NUP98: variants seen among roughly 807,000 people sequenced by gnomAD.
The protein encoded by NUP98 is nucleoporin 98 and 96 precursor, also known as nuclear pore complex protein Nup98-Nup96.
Under a neutral mutation model 191.9 loss-of-function variants are expected in NUP98, and 26 were observed. The observed-to-expected ratio is 0.14, with a 90% CI of 0.10 to 0.19. The LOEUF (loss-of-function observed/expected upper bound fraction) is 0.19. Ranked by LOEUF, NUP98 falls within the 10% of genes least tolerant of loss-of-function variation. The probability of loss-of-function intolerance (pLI) is 1.00; values close to 1 mark genes in which losing one functional copy is unlikely to be tolerated. For missense variants in NUP98, 1,941 were observed against 2,178.8 expected (o/e 0.89, Z 2.17); for synonymous variants, 808 against 778.4 (o/e 1.04, Z -0.63).
chr11:3,707,730 C>G (rs890249325), intron 20 of NUP98, among the ~76,000 whole-genome samples: 1 of 6,214 alleles, frequency 1.6e-4, no homozygotes, highest in Admixed American at 1.3e-3. Context: ...CAGAATGAGA[C>G]TCTGTCTCAA....
chr11:3,720,715 T>C lies in NUP98; in HGVS notation c.2257A>G (p.Lys753Glu). The C allele has an allele frequency of 3.2e-6, 5 of 1,552,802 alleles. No homozygotes were observed. Among genetic ancestry groups the C allele is most frequent in the Non-Finnish European group, 4.4e-6 (5 of 1,127,916 alleles). Residue 753 changes from lysine to glutamate, a missense_variant, in exon 17 of 33, where the codon AAA becomes GAA. Transcript: ENST00000324932. ...CIVSDFTIGR[K>E]GYGSIYFEGD... Reference sequence around the variant, plus strand: ...TAAGTGCTAAACTCACACTTACCTTTCCGACCAATAGTGAAATCAGAGACA... The same window carrying C: ...TAAGTGCTAAACTCACACTTACCTTCCCGACCAATAGTGAAATCAGAGACA...
At chr11:3,749,622 C>A (rs1171495077) in intron 11 of NUP98, among the ~76,000 whole-genome samples, 1 of 151,654 alleles carries the variant, frequency 6.6e-6, no homozygotes, top group African/African-American at 2.4e-5. Flanking sequence ...AACTCGGTCT[C>A]TAAATAAATA....
intron 11 of NUP98, among the ~76,000 whole-genome samples, chr11:3,749,716 G>C (rs183580406): frequency 6.6e-6 from 1 of 151,770 alleles, no homozygotes; most frequent in Non-Finnish European, 1.5e-5. Flanking sequence ...ACTATGAACA[G>C]AGAACTGACT....
At chr11:3,777,597 G>A (rs1191824158) in intron 4 of NUP98, among the ~76,000 whole-genome samples, 1 of 145,982 alleles carries the variant, frequency 6.9e-6, no homozygotes, top group African/African-American at 2.6e-5. Context: ...CTCCAGCCCG[G>A]GTAACAGATC....
chr11:3,703,974 C>T (rs1257331276), intron 22 of NUP98, among the ~76,000 whole-genome samples: 2 of 152,138 alleles, frequency 1.3e-5, no homozygotes, highest in Non-Finnish European at 2.9e-5. Context: ...AGGCATGAGC[C>T]ACTGTGCCCG....
At chr11:3,783,609 G>T (rs1168846162) in intron 1 of NUP98, among the ~76,000 whole-genome samples, 3 of 152,184 alleles carry the variant, frequency 2.0e-5, no homozygotes, top group Non-Finnish European at 4.4e-5. Flanking sequence ...TGAGGCAGGA[G>T]AACTGCTTGA....
rs770461426 is a variant in NUP98, at chr11:3,693,366, G to T, written c.4177C>A (p.Leu1393Ile). ...ALLAGKPVWQ[L>I]SEKKQINVCS... ...ACGTTTATTTGCTTCTTTTCTGAGA[G>T]CTGCCACACCTGTGCGAAACAAAAT... is the stretch of plus-strand genomic sequence containing the variant. The change falls in exon 27 of 33, where the codon CTC (leucine) becomes ATC (isoleucine). Residue 1393 changes from leucine to isoleucine, a missense_variant. Physicochemically the swap from Leu to Ile is conservative, Grantham distance 5. This residue lies in a region of NUP98 where 1,030 missense variants were observed against 1,115.8 expected (regional missense o/e 0.92). Coordinates refer to ENST00000324932, the MANE Select transcript of NUP98 (RefSeq NM_016320.5). 1.2e-6 allele frequency: 2 copies of T among 1,613,926 alleles called. No individual in the cohort carries two copies. The highest frequency in any genetic ancestry group is 1.7e-5 in the Admixed American group (1 of 60,010).
intron 1 of NUP98, among the ~76,000 whole-genome samples, chr11:3,784,641 C>G (rs2082083522): frequency 6.6e-6 from 1 of 151,150 alleles, no homozygotes; most frequent in Admixed American, 6.6e-5. Flanking sequence ...GAAGCTCCAG[C>G]TACTAGTGAG....
At chr11:3,779,819 G>C (rs1230540904) in intron 2 of NUP98, among the ~76,000 whole-genome samples, 4 of 151,694 alleles carry the variant, frequency 2.6e-5, no homozygotes, top group African/African-American at 7.3e-5. Flanking sequence ...AAAAGTTACA[G>C]ATGTTCATAG....
At chr11:3,734,331 C>A (rs2079965552) in intron 13 of NUP98, among the ~76,000 whole-genome samples, 2 of 152,062 alleles carry the variant, frequency 1.3e-5, no homozygotes, top group Non-Finnish European at 2.9e-5. Context: ...CTGCGCCGGG[C>A]AGATCCCATT....
intron 27 of NUP98, among the ~76,000 whole-genome samples, chr11:3,692,347 C>T (rs1170556951): frequency 6.7e-6 from 1 of 150,318 alleles, no homozygotes; most frequent in African/African-American, 2.4e-5. Flanking sequence ...AAAAAAAACA[C>T]CTGGGCACGG....
At chr11:3,683,493 C>T (rs200834932) in intron 29 of NUP98, 52 bp from the exon 30 acceptor site, 271 of 1,600,242 alleles carry the variant, frequency 1.7e-4, no homozygotes, top group Middle Eastern at 8.9e-4. Flanking sequence ...ATGGAGAAGG[C>T]TGCCCCAGGC....
chr11:3,738,506 T>C (rs78344189), intron 12 of NUP98, among the ~76,000 whole-genome samples: 2,096 of 152,226 alleles, frequency 0.014, 44 homozygotes, highest in African/African-American at 0.048. Flanking sequence ...CAGCAAGGCA[T>C]GGTGGCTCAT....
intron 1 of NUP98, among the ~76,000 whole-genome samples, chr11:3,787,612 T>G (rs372860717): frequency 6.6e-6 from 1 of 151,984 alleles, no homozygotes; most frequent in South Asian, 2.1e-4. Context: ...CTAAAAATCG[T>G]ATCTCCTTTT....
At chr11:3,754,742 C>G (rs1056210296) in intron 10 of NUP98, among the ~76,000 whole-genome samples, 2 of 151,998 alleles carry the variant, frequency 1.3e-5, no homozygotes, top group Non-Finnish European at 2.9e-5. Context: ...ACAAGTTCAA[C>G]GCCAGTCTGG....
rs61471948 is a variant in NUP98, at chr11:3,792,178, C to CAA, written c.-29+5220_-29+5221dup. Among the ~76,000 whole-genome samples the CAA allele has an allele frequency of 2.0e-3, 115 of 58,858 alleles. 4 individuals are homozygous for CAA. Among genetic ancestry groups the CAA allele is most frequent in the African/African-American group, 2.6e-3 (43 of 16,828 alleles). 38.6% of individuals were successfully genotyped at this position (58,858 alleles called of 152,430 possible). On this transcript the variant is annotated intron_variant, in intron 1 of 32. Coordinates refer to ENST00000324932, the MANE Select transcript of NUP98 (RefSeq NM_016320.5). ...CAGGTGACAGAGTGAAACTCCATCT[C>CAA]AAAAAAAAAAAAAAAAAAAAAAAAA...
At chr11:3,720,123 A>G (rs555821848) in intron 17 of NUP98, among the ~76,000 whole-genome samples, 2 of 152,148 alleles carry the variant, frequency 1.3e-5, no homozygotes, top group Admixed American at 1.3e-4. Context: ...ATCTCTTCCC[A>G]TTTATCTATA....
intron 11 of NUP98, among the ~76,000 whole-genome samples, chr11:3,747,939 C>T (rs1226380720): frequency 6.6e-6 from 1 of 152,120 alleles, no homozygotes; most frequent in African/African-American, 2.4e-5. Flanking sequence ...AGTGTGTGTG[C>T]TTGCTGACTC....
intron 14 of NUP98, among the ~76,000 whole-genome samples, chr11:3,728,982 T>A (rs1229394687): frequency 1.3e-5 from 2 of 152,114 alleles, no homozygotes; most frequent in East Asian, 3.9e-4. Context: ...ATGATAGTAA[T>A]GCAATCATCT....
Sources: gnomAD v4.1 joint callset for allele counts (sites outside exome capture counted in the v4.1 genomes callset) on GRCh38, gnomAD v4.1.1 for gene constraint, gnomAD v4.1.1 regional missense constraint, MANE v1.5 for transcripts, NCBI Gene and HGNC (gene_info 2026-07-23, HGNC 2026-07-21) for gene names.